SPATS2L: variants seen among roughly 807,000 people sequenced by gnomAD.
SPATS2L encodes SPATS2-like protein.
SPATS2L carries 30 observed loss-of-function variants against 59.6 expected under a neutral mutation model. The ratio of observed to expected loss-of-function variants is 0.50; its 90% CI spans 0.38 to 0.68. SPATS2L has a LOEUF of 0.68. Ranked by LOEUF, SPATS2L falls within the 30% of genes least tolerant of loss-of-function variation. SPATS2L has a pLI of 0.00. For missense variants in SPATS2L, 615 were observed against 700.0 expected (o/e 0.88, Z 1.37); for synonymous variants, 252 against 263.5 (o/e 0.96, Z 0.42).
In SPATS2L at chr2:200,479,266, T is replaced by G. The variant is rs1010307027; in HGVS notation, c.*1235T>G. On this transcript the variant is annotated 3_prime_UTR_variant, in exon 13 of 13. Coordinates refer to ENST00000409140, the MANE Select transcript of SPATS2L (RefSeq NM_001100423.2). ...CTTGGGTTGACATTGCATTCAGAAT[T>G]GTGGCAAAGGGCCACCATGCTCTTA... 1 of 298,288 alleles carries G rather than the reference T, an allele frequency of 3.4e-6. No individual in the cohort carries two copies. The allele number at this position is 298,288 out of a possible 1,614,324, so 18.5% of individuals were successfully genotyped here.
chr2:200,440,883 C>A, intron 8 of SPATS2L, 99 bp downstream of exon 8: 1 of 1,367,134 alleles, frequency 7.3e-7, no homozygotes, highest in Non-Finnish European at 1.0e-6. Flanking sequence ...AATACATAAA[C>A]ATCACAGAAT....
Position 200,444,789 on chromosome 2 carries a change from C to A in SPATS2L, c.788+4005C>A, listed in dbSNP as rs781757359. On this transcript the variant is annotated intron_variant, in intron 8 of 12. Transcript: ENST00000409140. Reference sequence around the variant, plus strand: ...CGTCTTAGAGTTTCCTCCTTCCCAACAGACAGGGTGAACCTCCTGCTGCCC... The same window carrying A: ...CGTCTTAGAGTTTCCTCCTTCCCAAAAGACAGGGTGAACCTCCTGCTGCCC... Among the ~76,000 whole-genome samples the A allele has an allele frequency of 1.8e-3, 270 of 152,276 alleles. 1 individual carries two copies. The highest frequency in any genetic ancestry group is 6.3e-4 in the Non-Finnish European group (43 of 68,020).
intron 8 of SPATS2L, among the ~76,000 whole-genome samples, chr2:200,456,019 G>T (rs935221053): frequency 6.6e-6 from 1 of 152,198 alleles, no homozygotes; most frequent in African/African-American, 2.4e-5. Flanking sequence ...CTGACAGCCT[G>T]CCAAAGGACA....
At chr2:200,409,631 C>T (rs2082806702) in intron 3 of SPATS2L, among the ~76,000 whole-genome samples, 2 of 152,224 alleles carry the variant, frequency 1.3e-5, no homozygotes. Flanking sequence ...TTCAACATTA[C>T]TATGTAATAT....
intron 2 of SPATS2L, among the ~76,000 whole-genome samples, chr2:200,338,950 T>C (rs904097653): frequency 2.6e-5 from 4 of 152,216 alleles, no homozygotes; most frequent in Non-Finnish European, 5.9e-5. Context: ...GCCAATGCCC[T>C]GCTGACTGTG....
intron 1 of SPATS2L, among the ~76,000 whole-genome samples, chr2:200,328,749 G>A (rs1304004154): frequency 1.3e-5 from 2 of 152,212 alleles, no homozygotes; most frequent in East Asian, 1.9e-4. Context: ...ATGGGTGACC[G>A]AGTGAGTGAT....
At chr2:200,393,901 A>G (rs879301393) in intron 3 of SPATS2L, among the ~76,000 whole-genome samples, 5 of 152,204 alleles carry the variant, frequency 3.3e-5, no homozygotes, top group Admixed American at 1.3e-4. Context: ...TTACTTCATA[A>G]GAAGTGTTGG....
At chr2:200,443,562 G>A (rs758455047) in intron 8 of SPATS2L, among the ~76,000 whole-genome samples, 4 of 152,120 alleles carry the variant, frequency 2.6e-5, no homozygotes, top group South Asian at 2.1e-4. Flanking sequence ...TATACCTTCC[G>A]TTTCCAGTTC....
chr2:200,465,764 G>A (rs1317538200), intron 9 of SPATS2L, among the ~76,000 whole-genome samples: 1 of 152,330 alleles, frequency 6.6e-6, no homozygotes, highest in Admixed American at 6.5e-5. Context: ...GCCAGGTGAT[G>A]GCTCACACCT....
chr2:200,443,764 G>A (rs2084852906), intron 8 of SPATS2L, among the ~76,000 whole-genome samples: 1 of 152,176 alleles, frequency 6.6e-6, no homozygotes, highest in Non-Finnish European at 1.5e-5. Context: ...TGGAATTCAC[G>A]AGAATGATGA....
chr2:200,419,610 T>C (rs2083224455), intron 6 of SPATS2L, 114 bp downstream of exon 6: 21 of 1,215,440 alleles, frequency 1.7e-5, no homozygotes, highest in Non-Finnish European at 2.4e-5. Context: ...TTTTCTGCAG[T>C]GTGTACGATT....
intron 2 of SPATS2L, among the ~76,000 whole-genome samples, chr2:200,374,434 T>C (rs1364986526): frequency 1.3e-5 from 2 of 152,208 alleles, no homozygotes; most frequent in Admixed American, 1.3e-4. Flanking sequence ...GAAGCCACTT[T>C]ATGTACATGG....
chr2:200,419,479 C>T lies in SPATS2L; in HGVS notation c.428C>T (p.Ala143Val), dbSNP rs764773916. 6 of 1,613,906 alleles carry T rather than the reference C, an allele frequency of 3.7e-6. No individual in the cohort carries two copies. The highest frequency in any genetic ancestry group is 5.1e-6 in the Non-Finnish European group (6 of 1,179,856). The change falls in exon 6 of 13, where the codon GCA (alanine) becomes GTA (valine). Residue 143 changes from alanine to valine, a missense_variant. By Grantham distance (64) the Ala-to-Val change is moderately conservative. Coordinates refer to ENST00000409140, the MANE Select transcript of SPATS2L (RefSeq NM_001100423.2). ...KISILEEPSK[A>V]LRGVTEGNRL... is the part of the protein sequence containing the mutation. Reference sequence around the variant, plus strand: ...TCGATACTTGAGGAACCTTCAAAGGCACTTCGTGGGGTCACAGGTCAGTAA... The same window carrying T: ...TCGATACTTGAGGAACCTTCAAAGGTACTTCGTGGGGTCACAGGTCAGTAA...
chr2:200,421,886 A>G (rs1162107397), intron 6 of SPATS2L, among the ~76,000 whole-genome samples: 1 of 152,230 alleles, frequency 6.6e-6, no homozygotes, highest in Non-Finnish European at 1.5e-5. Flanking sequence ...TTTGATATCA[A>G]TCATAGACTA....
chr2:200,336,499 T>A (rs1251161294), intron 2 of SPATS2L, among the ~76,000 whole-genome samples: 2 of 152,188 alleles, frequency 1.3e-5, no homozygotes, highest in African/African-American at 4.8e-5. Flanking sequence ...ATAGTTAAAA[T>A]GTGTGGAAAA....
At chr2:200,475,512 A>G (rs981042932) in intron 12 of SPATS2L, among the ~76,000 whole-genome samples, 1 of 152,188 alleles carries the variant, frequency 6.6e-6, no homozygotes, top group Non-Finnish European at 1.5e-5. Flanking sequence ...AGATGGTTGT[A>G]TTCTTTTGAG....
intron 7 of SPATS2L, among the ~76,000 whole-genome samples, chr2:200,439,666 A>G (rs912737421): frequency 1.3e-5 from 2 of 152,212 alleles, no homozygotes; most frequent in African/African-American, 4.8e-5. Flanking sequence ...TGTAACTGCT[A>G]AAAGGGACTC....
rs894874667 is a variant in SPATS2L, at chr2:200,479,671, A to G, written c.*1640A>G. 21 of 398,536 alleles carry G rather than the reference A, an allele frequency of 5.3e-5. No homozygotes were observed. The highest frequency in any genetic ancestry group is 4.1e-4 in the African/African-American group (20 of 48,642). 24.7% of individuals were successfully genotyped at this position (398,536 alleles called of 1,614,324 possible). On this transcript the variant is annotated 3_prime_UTR_variant, in exon 13 of 13. Coordinates refer to ENST00000409140, the MANE Select transcript of SPATS2L (RefSeq NM_001100423.2). ...CTTCCGTTGCACTCACATGTCCTAC[A>G]TATCTGTTGACTACTCACAAGTGCA...
In SPATS2L at chr2:200,403,925, G is replaced by A. The variant is rs545549205; in HGVS notation, c.40-8386G>A. On this transcript the variant is annotated intron_variant, in intron 3 of 12. Coordinates refer to ENST00000409140, the MANE Select transcript of SPATS2L (RefSeq NM_001100423.2). ...CCAAAGCGAATTCTAAAACTCTCAC[G>A]CAGAGGAATGGTTTCCATAAATTTT... Among the ~76,000 whole-genome samples the A allele has an allele frequency of 3.5e-3, 535 of 152,166 alleles. 2 individuals are homozygous for A. The highest frequency in any genetic ancestry group is 6.8e-3 in the Middle Eastern group (2 of 294).
Sources: gnomAD v4.1 joint callset for allele counts (sites outside exome capture counted in the v4.1 genomes callset) on GRCh38, gnomAD v4.1.1 for gene constraint, MANE v1.5 for transcripts, NCBI Gene and HGNC (gene_info 2026-07-23, HGNC 2026-07-21) for gene names.